The following FAM20A variants were observed in gnomAD, a reference collection of about 807,000 sequenced individuals.
FAM20A encodes the protein pseudokinase FAM20A.
FAM20A carries 42 observed loss-of-function variants against 52.0 expected under a neutral mutation model. The observed-to-expected ratio is 0.81, with a 90% CI of 0.63 to 1.04. The LOEUF (loss-of-function observed/expected upper bound fraction) is 1.04, where lower values mean the gene tolerates loss of function less well. Ranked by LOEUF, FAM20A falls within the 50% of genes least tolerant of loss-of-function variation. The pLI is 0.00. For synonymous variants in FAM20A, 304 were observed against 298.9 expected (o/e 1.02, Z -0.18); for missense variants, 742 against 712.7 (o/e 1.04, Z -0.47).
In FAM20A at chr17:68,542,713, ACT is replaced by A. The variant is rs750880244; in HGVS notation, c.907_908del (p.Ser303CysfsTer76). On this transcript the variant is annotated frameshift_variant, in exon 6 of 11. Transcript: ENST00000592554. LOFTEE classifies it high-confidence loss of function. ...CTCTACCTGGAGAGACAAAGAAAAC[ACT>A]CTGCAGGATTTCATTCTTGGTGACC... Reference protein sequence around the residue: ...LEVTKNEILQSVFFVSPASNV... With the variant: ...LEVTKNEILQXVFFVSPASNV... The A allele has an allele frequency of 1.7e-5, 28 of 1,613,180 alleles. No individual in the cohort carries two copies. Among genetic ancestry groups the A allele is most frequent in the South Asian group, 1.5e-4 (14 of 91,036 alleles).
At chr17:68,570,276 A>G (rs1275634950) in intron 1 of FAM20A, among the ~76,000 whole-genome samples, 1 of 152,000 alleles carries the variant, frequency 6.6e-6, no homozygotes, top group Non-Finnish European at 1.5e-5. Context: ...GGGTTTCACC[A>G]TTTGTCAGGC....
intron 1 of FAM20A, among the ~76,000 whole-genome samples, chr17:68,560,343 C>CAA (rs59192235): frequency 2.8e-5 from 3 of 108,320 alleles, no homozygotes; most frequent in Admixed American, 9.0e-5. Flanking sequence ...AACTCCATCT[C>CAA]AAAAAAAAAA....
intron 1 of FAM20A, among the ~76,000 whole-genome samples, chr17:68,565,265 C>T (rs1382884505): frequency 6.6e-6 from 1 of 151,922 alleles, no homozygotes; most frequent in Non-Finnish European, 1.5e-5. Context: ...TGTTCCCCTC[C>T]AAAACTATAT....
intron 1 of FAM20A, among the ~76,000 whole-genome samples, chr17:68,585,488 T>A (rs11077636): frequency 0.034 from 5,199 of 152,144 alleles, 124 homozygotes; most frequent in East Asian, 0.12. Flanking sequence ...TTTCTTTTTT[T>A]AAATTATACT....
chr17:68,558,597 G>A (rs143110410), intron 1 of FAM20A, among the ~76,000 whole-genome samples: 1 of 152,166 alleles, frequency 6.6e-6, no homozygotes, highest in African/African-American at 2.4e-5. Context: ...ACCACCTTCT[G>A]CCATGAGTAA....
At chr17:68,547,340 T>C (rs2086617858) in intron 4 of FAM20A, among the ~76,000 whole-genome samples, 1 of 152,252 alleles carries the variant, frequency 6.6e-6, no homozygotes, top group South Asian at 2.1e-4. Context: ...GTTACATATG[T>C]ATACATGTGT....
intron 1 of FAM20A, among the ~76,000 whole-genome samples, chr17:68,564,629 A>G (rs73363267): frequency 0.011 from 1,626 of 152,332 alleles, 38 homozygotes; most frequent in African/African-American, 0.037. Flanking sequence ...TGGTGTGCAG[A>G]CTAAGCAATA....
At chr17:68,539,736 A>C in intron 9 of FAM20A, 149 bp downstream of exon 9, 1 of 748,530 alleles carries the variant, frequency 1.3e-6, no homozygotes, top group Non-Finnish European at 2.3e-6. Context: ...AAGAGAAAGA[A>C]GGAAATGGAA....
chr17:68,578,977 T>C (rs1408393750), intron 1 of FAM20A, among the ~76,000 whole-genome samples: 1 of 146,998 alleles, frequency 6.8e-6, no homozygotes, highest in Non-Finnish European at 1.5e-5. Flanking sequence ...ATCGCGCCAC[T>C]GCACTCCAGC....
At chr17:68,554,642 C>T (rs749757619) in intron 3 of FAM20A, 135 bp downstream of exon 3, 40 of 841,856 alleles carry the variant, frequency 4.8e-5, no homozygotes, top group South Asian at 2.6e-4. Context: ...TGGGGAGAAA[C>T]GTTGAGTTCT....
chr17:68,550,401 TAGAG>T (rs1274900550), intron 4 of FAM20A, among the ~76,000 whole-genome samples: 254 of 90,596 alleles, frequency 2.8e-3, no homozygotes, highest in African/African-American at 9.0e-3. Flanking sequence ...TTTTTTAAGA[TAGAG>T]AGTCTCCCTC....
At position 68,542,153 on chromosome 17, in the gene FAM20A, C is replaced by T; in HGVS notation, c.941G>A (p.Cys314Tyr). 6.2e-7 allele frequency: 1 copy of T among 1,613,956 alleles called. No homozygotes were observed. Among genetic ancestry groups the T allele is most frequent in the Non-Finnish European group, 8.5e-7 (1 of 1,179,990 alleles). Residue 314 changes from cysteine (C) to tyrosine (Y), a missense_variant, in exon 7 of 11, where the codon TGC becomes TAC. Transcript: ENST00000592554. Reference sequence around the variant, plus strand: ...CATGTATGGACACTTGGCGAAGAAGCACACGTTGCTCGCTGGAGGATGGGG... The same window carrying T: ...CATGTATGGACACTTGGCGAAGAAGTACACGTTGCTCGCTGGAGGATGGGG... ...VFFVSPASNV[C>Y]FFAKCPYMCK...
intron 4 of FAM20A, among the ~76,000 whole-genome samples, chr17:68,550,928 A>C (rs1211819998): frequency 1.3e-5 from 2 of 151,828 alleles, no homozygotes; most frequent in Non-Finnish European, 2.9e-5. Flanking sequence ...CCCTGCCCTT[A>C]GAACCATCTA....
chr17:68,578,826 T>C (rs1335210401), intron 1 of FAM20A, among the ~76,000 whole-genome samples: 1 of 93,658 alleles, frequency 1.1e-5, no homozygotes, highest in Non-Finnish European at 2.0e-5. Flanking sequence ...ACCCTGTCTC[T>C]ACTAAAAATA....
intron 1 of FAM20A, among the ~76,000 whole-genome samples, chr17:68,572,495 A>T (rs571865350): frequency 6.6e-6 from 1 of 152,296 alleles, no homozygotes; most frequent in African/African-American, 2.4e-5. Flanking sequence ...GAGTAGTAGT[A>T]ACTGGGCCAA....
Position 68,536,584 on chromosome 17 carries a change from T to C in FAM20A, c.*893A>G, listed in dbSNP as rs1235761721. The C allele has an allele frequency of 4.4e-6, 2 of 453,616 alleles. No homozygotes were observed. Among genetic ancestry groups the C allele is most frequent in the Admixed American group, 2.4e-5 (1 of 42,480 alleles). The allele number at this position is 453,616 out of a possible 1,614,324, so 28.1% of individuals were successfully genotyped here. A position where few individuals can be genotyped will look rare whatever the true frequency, so the allele number is the denominator to read the frequency against. ...CTTTCCACATAGCCCCTTTCTTCTTTTGGGGATGGGCCGGGGACAATCCTG... is the reference window on the plus strand; with the variant it reads ...CTTTCCACATAGCCCCTTTCTTCTTCTGGGGATGGGCCGGGGACAATCCTG... On this transcript the variant is annotated 3_prime_UTR_variant, in exon 11 of 11. Coordinates refer to ENST00000592554, the MANE Select transcript of FAM20A (RefSeq NM_017565.4).
At chr17:68,584,530 G>A (rs1396236583) in intron 1 of FAM20A, among the ~76,000 whole-genome samples, 1 of 152,190 alleles carries the variant, frequency 6.6e-6, no homozygotes, top group Non-Finnish European at 1.5e-5. Context: ...TGAGTGGGCA[G>A]TTTTGAAAGT....
chr17:68,537,891 A>G lies in FAM20A; in HGVS notation c.1362-150T>C. On this transcript the variant is annotated intron_variant, in intron 10 of 10. Coordinates refer to ENST00000592554, the MANE Select transcript of FAM20A (RefSeq NM_017565.4). The surrounding 1 kb of genome is among the most constrained non-coding windows in gnomAD (Gnocchi z 4.2). ...GCACATTTTAATGGAAACCAGGTAAAAAGGGAACAAATGAAAGGCAAAATC... is the reference window on the plus strand; with the variant it reads ...GCACATTTTAATGGAAACCAGGTAAGAAGGGAACAAATGAAAGGCAAAATC... The G allele has an allele frequency of 1.1e-6, 1 of 951,700 alleles. No individual in the cohort carries two copies. The highest frequency in any genetic ancestry group is 2.6e-5 in the East Asian group (1 of 38,156). 59.0% of individuals were successfully genotyped at this position (951,700 alleles called of 1,614,324 possible).
At position 68,600,708 on chromosome 17, in the gene FAM20A, C is replaced by G. The variant is rs1320961014; in HGVS notation, c.-42G>C. On this transcript the variant is annotated 5_prime_UTR_variant, in exon 1 of 11. Transcript: ENST00000592554. The surrounding 1 kb of genome is among the most constrained non-coding windows in gnomAD (Gnocchi z 6.2). ...GGGACGCCGGGGGCAGGCCGGCTGT[C>G]TCCGGGGTCCCGGGAGGGGTCGCGG... 3 of 1,523,504 alleles carry G rather than the reference C, an allele frequency of 2.0e-6. No homozygotes were observed. Among genetic ancestry groups the G allele is most frequent in the African/African-American group, 1.4e-5 (1 of 71,866 alleles). The allele number at this position is 1,523,504 out of a possible 1,614,324, so 94.4% of individuals were successfully genotyped here. A position where few individuals can be genotyped will look rare whatever the true frequency, so the allele number is the denominator to read the frequency against.
Sources: allele counts gnomAD v4.1 joint callset (sites outside exome capture counted in the v4.1 genomes callset), GRCh38; gene constraint gnomAD v4.1.1; non-coding constraint Gnocchi (gnomAD v3.1); transcripts MANE v1.5; gene names NCBI Gene and HGNC (gene_info 2026-07-23, HGNC 2026-07-21).